Variants in FHIT observed in about 807,000 individuals in gnomAD.
FHIT encodes the protein bis(5'-adenosyl)-triphosphatase.
Under a neutral mutation model 17.9 loss-of-function variants are expected in FHIT, and 19 were observed. The observed-to-expected ratio is 1.06, with a 90% CI of 0.74 to 1.56. The LOEUF is 1.56. FHIT is among the 40% of genes most tolerant of loss of function. The pLI, the probability that FHIT is intolerant of heterozygous loss-of-function variation, is 0.00. For missense variants in FHIT, 248 were observed against 189.2 expected, an observed-to-expected ratio of 1.31 and a Z score of -1.82; for synonymous variants, 81 against 69.7, an observed-to-expected ratio of 1.16 and a Z score of -0.81.
chr3:59,777,651 C>G (rs946574226), intron 8 of FHIT, among the ~76,000 whole-genome samples: 3 of 152,150 alleles, frequency 2.0e-5, no homozygotes, highest in African/African-American at 7.2e-5. Flanking sequence ...GGGAGTGACC[C>G]TTTTAAAAGT....
At chr3:60,108,247 G>A (rs1704513307) in intron 5 of FHIT, among the ~76,000 whole-genome samples, 1 of 152,166 alleles carries the variant, frequency 6.6e-6, no homozygotes, top group Non-Finnish European at 1.5e-5. Context: ...GAGTTCCTCT[G>A]AATTGACTAG....
chr3:60,745,370 C>A (rs952153200), intron 4 of FHIT, among the ~76,000 whole-genome samples: 2 of 152,068 alleles, frequency 1.3e-5, no homozygotes, highest in African/African-American at 2.4e-5. Context: ...TGAATAAAGA[C>A]CAGTGAGATT....
intron 3 of FHIT, among the ~76,000 whole-genome samples, chr3:61,039,141 A>C (rs964822055): frequency 3.3e-5 from 5 of 152,174 alleles, no homozygotes; most frequent in African/African-American, 1.2e-4. Context: ...AATTGGCCGC[A>C]ATTTCCAAGA....
intron 7 of FHIT, among the ~76,000 whole-genome samples, chr3:59,937,406 G>A (rs764267807): frequency 3.3e-5 from 5 of 152,172 alleles, no homozygotes; most frequent in Admixed American, 1.3e-4. Flanking sequence ...AGTGATGGCT[G>A]TCACTTCATG....
intron 3 of FHIT, among the ~76,000 whole-genome samples, chr3:60,838,603 G>C (rs1553744324): frequency 6.6e-6 from 1 of 152,072 alleles, no homozygotes; most frequent in African/African-American, 2.4e-5. Flanking sequence ...ATACTGGCTT[G>C]ACTGTTGATT....
chr3:60,737,725 T>C (rs2042161905), intron 4 of FHIT, among the ~76,000 whole-genome samples: 1 of 152,060 alleles, frequency 6.6e-6, no homozygotes, highest in African/African-American at 2.4e-5. Context: ...AAACCTTAAA[T>C]GTGGGGGAGA....
intron 2 of FHIT, among the ~76,000 whole-genome samples, chr3:61,175,662 C>T (rs1451225292): frequency 1.3e-5 from 2 of 151,866 alleles, no homozygotes; most frequent in Non-Finnish European, 2.9e-5. Context: ...TATAAAAGGG[C>T]TTGAGGTCAA....
At chr3:60,810,412 T>C (rs1553735742) in intron 4 of FHIT, among the ~76,000 whole-genome samples, 1 of 152,180 alleles carries the variant, frequency 6.6e-6, no homozygotes, top group African/African-American at 2.4e-5. Context: ...GGAGCGACAC[T>C]ACACATTTTT....
intron 5 of FHIT, among the ~76,000 whole-genome samples, chr3:60,430,814 G>T (rs1996828): frequency 0.7 from 106,904 of 151,948 alleles, 38,248 homozygotes; most frequent in Non-Finnish European, 0.74. Context: ...ATTGCTTCCA[G>T]CAGTTTTCAT....
At chr3:60,718,481 C>T (rs2041737006) in intron 4 of FHIT, among the ~76,000 whole-genome samples, 1 of 152,068 alleles carries the variant, frequency 6.6e-6, no homozygotes, top group African/African-American at 2.4e-5. Context: ...TCCAGCTAAC[C>T]AATGAAGTAG....
chr3:61,101,778 T>A (rs987147959), intron 2 of FHIT, among the ~76,000 whole-genome samples: 5 of 152,208 alleles, frequency 3.3e-5, no homozygotes, highest in African/African-American at 1.2e-4. Context: ...ACATCCCTTG[T>A]AAGTTGGATT....
intron 2 of FHIT, among the ~76,000 whole-genome samples, chr3:61,101,260 G>C (rs1244478499): frequency 1.3e-5 from 2 of 152,178 alleles, no homozygotes; most frequent in East Asian, 3.8e-4. Context: ...AAGGGATCCA[G>C]TTTCAGCTTT....
At chr3:60,341,301 A>G (rs964566428) in intron 5 of FHIT, among the ~76,000 whole-genome samples, 1 of 152,202 alleles carries the variant, frequency 6.6e-6, no homozygotes, top group South Asian at 2.1e-4. Flanking sequence ...TGTTGAATTT[A>G]TAATTTTAAA....
chr3:60,244,774 A>G (rs1705308106), intron 5 of FHIT, among the ~76,000 whole-genome samples: 1 of 152,122 alleles, frequency 6.6e-6, no homozygotes, highest in African/African-American at 2.4e-5. Flanking sequence ...TAGATGTTTC[A>G]CATTTATATT....
intron 4 of FHIT, among the ~76,000 whole-genome samples, chr3:60,774,784 A>G (rs1383140417): frequency 6.6e-6 from 1 of 152,172 alleles, no homozygotes; most frequent in Non-Finnish European, 1.5e-5. Flanking sequence ...AATGTCACTA[A>G]CGGGCAAGCA....
intron 3 of FHIT, among the ~76,000 whole-genome samples, chr3:60,855,346 G>A (rs1389377356): frequency 6.6e-6 from 1 of 152,028 alleles, no homozygotes; most frequent in Non-Finnish European, 1.5e-5. Context: ...TTTCACCTTT[G>A]GTAAAAAGTC....
At chr3:60,963,278 C>T (rs2107503912) in intron 3 of FHIT, among the ~76,000 whole-genome samples, 1 of 152,026 alleles carries the variant, frequency 6.6e-6, no homozygotes, top group African/African-American at 2.4e-5. Context: ...TGGTGATATC[C>T]CCTTTATCAT....
intron 5 of FHIT, among the ~76,000 whole-genome samples, chr3:60,440,425 G>T (rs1254232772): frequency 6.6e-6 from 1 of 152,034 alleles, no homozygotes; most frequent in Non-Finnish European, 1.5e-5. Context: ...GTCAAATAGG[G>T]CTCATACCAA....
At chr3:60,011,227 A>G in intron 7 of FHIT, 144 bp downstream of exon 7, 1 of 687,774 alleles carries the variant, frequency 1.5e-6, no homozygotes, top group Non-Finnish European at 2.6e-6. Flanking sequence ...TAATGTCAGG[A>G]TTTACGGCTC....
Sources: allele counts gnomAD v4.1 joint callset (sites outside exome capture counted in the v4.1 genomes callset), GRCh38; gene constraint gnomAD v4.1.1; transcripts MANE v1.5; gene names NCBI Gene and HGNC (gene_info 2026-07-23, HGNC 2026-07-21).